MYPN: variants seen among roughly 807,000 people sequenced by gnomAD.
The protein encoded by MYPN is myopalladin.
Under a neutral mutation model 129.4 loss-of-function variants are expected in MYPN, and 63 were observed. That is an observed-to-expected ratio of 0.49 (90% CI 0.40 to 0.60). The LOEUF is 0.60. MYPN is among the 20% of genes least tolerant of loss of function. The probability of loss-of-function intolerance (pLI) is 0.00; values close to 1 mark genes in which losing one functional copy is unlikely to be tolerated. For missense variants in MYPN, 1,596 were observed against 1,635.4 expected (o/e 0.98, Z 0.42); for synonymous variants, 629 against 600.9 (o/e 1.05, Z -0.68).
At chr10:68,145,322 C>A (rs968731076) in intron 3 of MYPN, among the ~76,000 whole-genome samples, 153 bp from the exon 4 acceptor site, 1 of 152,024 alleles carries the variant, frequency 6.6e-6, no homozygotes, top group Admixed American at 6.6e-5. Flanking sequence ...CCACGCCCGG[C>A]GTTACTGAGT....
intron 12 of MYPN, among the ~76,000 whole-genome samples, chr10:68,179,856 G>A (rs546250482): frequency 1.4e-4 from 22 of 152,132 alleles, no homozygotes; most frequent in African/African-American, 5.3e-4. Flanking sequence ...ATAGAGAGGA[G>A]GTTTCGCCAA....
In MYPN at chr10:68,131,111, G is replaced by A. The variant is rs866583254; in HGVS notation, c.902+8771G>A. ...CTTACCAAGTTTTAAAATCTAGGCC[G>A]GGTGTGGGGGCTCACGCCTGTAATC... On this transcript the variant is annotated intron_variant, in intron 2 of 19. Coordinates refer to ENST00000358913, the MANE Select transcript of MYPN (RefSeq NM_032578.4). Among the ~76,000 whole-genome samples the A allele has an allele frequency of 5.3e-5, 8 of 152,196 alleles. No homozygotes were observed. The East Asian group carries it at 9.6e-4, about 18-fold the overall frequency.
At chr10:68,134,724 G>A (rs2042459983) in intron 2 of MYPN, among the ~76,000 whole-genome samples, 3 of 152,104 alleles carry the variant, frequency 2.0e-5, no homozygotes, top group South Asian at 2.1e-4. Context: ...GCACCTGGGA[G>A]GTGGAGGTTG....
chr10:68,173,186 C>A (rs537293012), intron 10 of MYPN, among the ~76,000 whole-genome samples: 6 of 152,152 alleles, frequency 3.9e-5, no homozygotes, highest in Admixed American at 2.6e-4. Context: ...TTTGTTATCG[C>A]GAGAGAATGA....
chr10:68,210,748 C>T lies in MYPN; in HGVS notation c.*293C>T. ...TTTGGGAAAAAACTAGCATGCTCCC[C>T]TGCTCCCTGTTGTGTTAGGGATGTT... On this transcript the variant is annotated 3_prime_UTR_variant, in exon 20 of 20. Transcript: ENST00000358913. 1.9e-6 allele frequency: 1 copy of T among 517,370 alleles called. No homozygotes were observed. Among genetic ancestry groups the T allele is most frequent in the South Asian group, 1.5e-5 (1 of 65,044 alleles). The allele number at this position is 517,370 out of a possible 1,614,324, so 32.0% of individuals were successfully genotyped here.
intron 1 of MYPN, among the ~76,000 whole-genome samples, chr10:68,120,845 G>A (rs559979405): frequency 6.6e-6 from 1 of 152,306 alleles, no homozygotes; most frequent in Admixed American, 6.5e-5. Context: ...TTACAGTTAT[G>A]TCATGGCCTT....
intron 18 of MYPN, 63 bp downstream of exon 18, chr10:68,202,057 AT>A (rs2043725273): frequency 6.3e-7 from 1 of 1,578,200 alleles, no homozygotes; most frequent in African/African-American, 1.3e-5. Flanking sequence ...CGCCACCCAA[AT>A]AAGTCTGCTG....
chr10:68,197,209 A>G (rs1339268431), intron 15 of MYPN, 143 bp from the exon 16 acceptor site: 1 of 758,496 alleles, frequency 1.3e-6, no homozygotes, highest in Non-Finnish European at 2.1e-6. Flanking sequence ...ACCATTATTT[A>G]TTGTTTATAG....
intron 5 of MYPN, 103 bp downstream of exon 5, chr10:68,148,570 C>T (rs2042710650): frequency 2.3e-6 from 2 of 874,844 alleles, no homozygotes; most frequent in Non-Finnish European, 1.9e-6. Context: ...TCAGGTGCAA[C>T]TCCATCATCA....
Position 68,166,456 on chromosome 10 carries a change from C to A in MYPN, c.1763C>A (p.Pro588His). The change falls in exon 10 of 20, where the codon CCC (proline) becomes CAC (histidine). Residue 588 changes from proline (P) to histidine (H), a missense_variant. By Grantham distance (77) the Pro-to-His change is moderately conservative. Transcript: ENST00000358913. ...GGGGTTCTGGTGAACCACAATGAGC[C>A]CCGGTCCAGCTCCAGGATTGGGCTT... The part of the protein sequence containing the change: ...LEGVLVNHNE[P>H]RSSSRIGLRV... 6.2e-7 allele frequency: 1 copy of A among 1,614,122 alleles called. No homozygotes were observed. The highest frequency in any genetic ancestry group is 1.1e-5 in the South Asian group (1 of 91,074).
chr10:68,205,488 A>G (rs962051850), intron 18 of MYPN, among the ~76,000 whole-genome samples: 5 of 150,208 alleles, frequency 3.3e-5, no homozygotes, highest in Non-Finnish European at 7.4e-5. Context: ...AGACCAGCCT[A>G]GCTAACACAG....
At chr10:68,143,145 C>A in intron 3 of MYPN, 30 bp downstream of exon 3, 1 of 1,595,832 alleles carries the variant, frequency 6.3e-7, no homozygotes, top group Non-Finnish European at 8.6e-7. Flanking sequence ...GAGTATGACA[C>A]TTAATAGTAA....
intron 12 of MYPN, among the ~76,000 whole-genome samples, chr10:68,184,893 A>G (rs1390475454): frequency 6.6e-6 from 1 of 152,188 alleles, no homozygotes; most frequent in Admixed American, 6.5e-5. Context: ...CAGGATCTGT[A>G]GCATCGAGAG....
chr10:68,123,816 G>A (rs369707982), intron 2 of MYPN, among the ~76,000 whole-genome samples: 41 of 152,084 alleles, frequency 2.7e-4, no homozygotes, highest in East Asian at 1.9e-4. Flanking sequence ...ATTGGACAGC[G>A]CAGGGCTACA....
chr10:68,172,240 A>C (rs946506666), intron 10 of MYPN, among the ~76,000 whole-genome samples: 4 of 152,186 alleles, frequency 2.6e-5, no homozygotes, highest in African/African-American at 9.7e-5. Context: ...CTGTGGTCCC[A>C]GCTACTTGGG....
chr10:68,193,838 C>CACACACAT (rs1156672819), intron 13 of MYPN, among the ~76,000 whole-genome samples: 24 of 33,386 alleles, frequency 7.2e-4, no homozygotes, highest in African/African-American at 1.3e-3. Context: ...CACACACACA[C>CACACACAT]ATAGATATTT....
chr10:68,089,389 T>A (rs2041920651), intron 1 of MYPN, among the ~76,000 whole-genome samples: 1 of 152,060 alleles, frequency 6.6e-6, no homozygotes, highest in South Asian at 2.1e-4. Flanking sequence ...TCGCCCAGAC[T>A]GGAGTGCAGT....
Position 68,121,453 on chromosome 10 carries a change from C to A in MYPN, c.15C>A (p.Ser5Arg). 6.2e-7 allele frequency: 1 copy of A among 1,612,470 alleles called. No individual in the cohort carries two copies. The highest frequency in any genetic ancestry group is 8.5e-7 in the Non-Finnish European group (1 of 1,179,398). Reference sequence around the variant, plus strand: ...TTTGTGACAGCATGCAAGACGACAGCATAGAAGCTTCTACTTCCATATCTC... The same window carrying A: ...TTTGTGACAGCATGCAAGACGACAGAATAGAAGCTTCTACTTCCATATCTC... MQDD[S>R]IEASTSISQL... Residue 5 changes from serine to arginine, a missense_variant, in exon 2 of 20, where the codon AGC (serine) becomes AGA (arginine). Ser to Arg is a moderately radical substitution (Grantham distance 110). Transcript: ENST00000358913.
chr10:68,127,619 C>T (rs1369986831), intron 2 of MYPN, among the ~76,000 whole-genome samples: 5 of 150,534 alleles, frequency 3.3e-5, no homozygotes, highest in African/African-American at 9.8e-5. Flanking sequence ...AGGTGTGAGC[C>T]ACCGTGCCAA....
Sources: gnomAD v4.1 joint callset for allele counts (sites outside exome capture counted in the v4.1 genomes callset) on GRCh38, gnomAD v4.1.1 for gene constraint, MANE v1.5 for transcripts, NCBI Gene and HGNC (gene_info 2026-07-23, HGNC 2026-07-21) for gene names.